Variants in CLHC1 observed in about 807,000 individuals in gnomAD.
CLHC1 encodes clathrin heavy chain linker domain-containing protein 1.
A neutral mutation model predicts 69.5 loss-of-function variants in CLHC1; 72 were observed. The observed-to-expected ratio is 1.04, with a 90% CI of 0.86 to 1.26. The LOEUF (loss-of-function observed/expected upper bound fraction) is 1.26, where lower values mean the gene tolerates loss of function less well. Among genes scored for constraint, CLHC1 ranks in the 50% most tolerant of loss-of-function variants. The pLI is 0.00. For synonymous variants in CLHC1, 223 were observed against 224.3 expected (o/e 0.99, Z 0.05); for missense variants, 790 against 679.3 (o/e 1.16, Z -1.81).
intron 8 of CLHC1, 83 bp downstream of exon 8, chr2:55,208,543 T>C (rs1017218946): frequency 3.6e-6 from 3 of 843,590 alleles, no homozygotes; most frequent in Admixed American, 2.0e-5. Context: ...AAAAATCTCC[T>C]AGATTCCCAA....
chr2:55,186,403 C>T lies in CLHC1; in HGVS notation c.1007-4659G>A, dbSNP rs139641374. ...AGCATGAGTTAGGATACCCAATAAT[C>T]TGGAGAATTTATATACTTCAGAACT... On this transcript the variant is annotated intron_variant, in intron 9 of 12. Coordinates refer to ENST00000401408, the MANE Select transcript of CLHC1 (RefSeq NM_152385.4). Among the ~76,000 whole-genome samples the T allele has an allele frequency of 3.7e-3, 568 of 152,268 alleles. 3 individuals are homozygous for T. Among genetic ancestry groups the T allele is most frequent in the Middle Eastern group, 0.031 (9 of 294 alleles).
intron 4 of CLHC1, among the ~76,000 whole-genome samples, chr2:55,216,941 A>G (rs1463102652): frequency 1.3e-5 from 2 of 152,180 alleles, no homozygotes; most frequent in African/African-American, 4.8e-5. Flanking sequence ...TGAGCTCACA[A>G]GTTGGAGACC....
At chr2:55,211,351 A>C (rs1432203035) in intron 5 of CLHC1, among the ~76,000 whole-genome samples, 2 of 151,974 alleles carry the variant, frequency 1.3e-5, no homozygotes, top group African/African-American at 4.8e-5. Flanking sequence ...AATACAAAAA[A>C]ATTAGCCGGG....
chr2:55,206,005 A>T (rs767239366), intron 9 of CLHC1, among the ~76,000 whole-genome samples: 1 of 152,230 alleles, frequency 6.6e-6, no homozygotes, highest in African/African-American at 2.4e-5. Flanking sequence ...CAAATTTGAC[A>T]AAGTATTAAC....
chr2:55,232,191 G>C (rs1675474036), intron 1 of CLHC1, 32 bp downstream of exon 1: 1 of 160,208 alleles, frequency 6.2e-6, no homozygotes, highest in Non-Finnish European at 1.4e-5. Flanking sequence ...CCGTTCCCAC[G>C]CTCCGGAAAC....
chr2:55,223,332 C>G (rs1299436460), intron 2 of CLHC1, among the ~76,000 whole-genome samples: 7 of 152,138 alleles, frequency 4.6e-5, no homozygotes, highest in African/African-American at 1.7e-4. Flanking sequence ...AAATCCATCC[C>G]TCAATGATGT....
chr2:55,215,454 T>A (rs1320753631), intron 4 of CLHC1, among the ~76,000 whole-genome samples: 1 of 152,222 alleles, frequency 6.6e-6, no homozygotes, highest in Non-Finnish European at 1.5e-5. Flanking sequence ...CATCCTTGTA[T>A]ATATAGTTCA....
At chr2:55,193,883 A>C (rs1287409821) in intron 9 of CLHC1, among the ~76,000 whole-genome samples, 1 of 152,212 alleles carries the variant, frequency 6.6e-6, no homozygotes, top group African/African-American at 2.4e-5. Flanking sequence ...ATGACCATCA[A>C]CTGATGAATG....
At chr2:55,199,893 T>C (rs1269129335) in intron 9 of CLHC1, among the ~76,000 whole-genome samples, 6 of 151,986 alleles carry the variant, frequency 3.9e-5, no homozygotes, top group Non-Finnish European at 7.4e-5. Context: ...TTACTTAATA[T>C]CAAGTGAATG....
intron 9 of CLHC1, among the ~76,000 whole-genome samples, chr2:55,196,725 G>A (rs1167418323): frequency 1.3e-5 from 2 of 152,198 alleles, no homozygotes; most frequent in African/African-American, 4.8e-5. Flanking sequence ...TCTTGGGTAA[G>A]ACTCTGAGAT....
At chr2:55,226,590 T>C (rs1382599746) in intron 2 of CLHC1, among the ~76,000 whole-genome samples, 1 of 152,210 alleles carries the variant, frequency 6.6e-6, no homozygotes, top group Non-Finnish European at 1.5e-5. Flanking sequence ...TATTTCATAG[T>C]ATGATGTTCC....
At chr2:55,195,206 C>T (rs892470014) in intron 9 of CLHC1, among the ~76,000 whole-genome samples, 4 of 152,128 alleles carry the variant, frequency 2.6e-5, no homozygotes, top group African/African-American at 9.7e-5. Flanking sequence ...CTACCCTGTC[C>T]TTAGTTACCA....
At chr2:55,182,386 G>A (rs1670016118) in intron 9 of CLHC1, among the ~76,000 whole-genome samples, 1 of 152,134 alleles carries the variant, frequency 6.6e-6, no homozygotes, top group Non-Finnish European at 1.5e-5. Context: ...AAAAAAGTAT[G>A]TCAATCCCAA....
intron 11 of CLHC1, among the ~76,000 whole-genome samples, chr2:55,178,369 A>G (rs560329786): frequency 5.9e-5 from 9 of 152,266 alleles, no homozygotes; most frequent in Non-Finnish European, 1.0e-4. Context: ...GTGGAACCAT[A>G]TGAAGTTTCC....
chr2:55,182,385 T>C (rs888050467), intron 9 of CLHC1, among the ~76,000 whole-genome samples: 21 of 152,206 alleles, frequency 1.4e-4, no homozygotes, highest in Non-Finnish European at 2.9e-4. Context: ...CAAAAAAGTA[T>C]GTCAATCCCA....
chr2:55,179,066 C>T (rs1041477105), intron 11 of CLHC1, among the ~76,000 whole-genome samples: 3 of 14,430 alleles, frequency 2.1e-4, no homozygotes, highest in African/African-American at 8.7e-4. Flanking sequence ...GTGGCTGGGA[C>T]TACAGACCCA....
In CLHC1 at chr2:55,209,640, A is replaced by AT. The variant is rs766798457; in HGVS notation, c.690dup (p.Leu231IlefsTer16). 4 of 1,613,942 alleles carry AT rather than the reference A, an allele frequency of 2.5e-6. No homozygotes were observed. Among genetic ancestry groups the AT allele is most frequent in the East Asian group, 2.2e-5 (1 of 44,856 alleles). ...AATCAACTTCCATACCAAAACTGCA[A>AT]TTTTTTGTTCAGATTTTCAGCTACA... On this transcript the variant is annotated frameshift_variant, in exon 6 of 13. Coordinates refer to ENST00000401408, the MANE Select transcript of CLHC1 (RefSeq NM_152385.4). LOFTEE classifies it high-confidence loss of function.
At chr2:55,178,291 C>T (rs1292676342) in intron 11 of CLHC1, among the ~76,000 whole-genome samples, 1 of 152,110 alleles carries the variant, frequency 6.6e-6, no homozygotes, top group Non-Finnish European at 1.5e-5. Context: ...TTTCCTAAAA[C>T]TATCAAGCAT....
intron 9 of CLHC1, among the ~76,000 whole-genome samples, chr2:55,194,585 G>A (rs1260213234): frequency 6.6e-6 from 1 of 151,030 alleles, no homozygotes; most frequent in Non-Finnish European, 1.5e-5. Flanking sequence ...ACCCAGATTT[G>A]AAAAAAAGTA....
Sources: gnomAD v4.1 joint callset for allele counts (sites outside exome capture counted in the v4.1 genomes callset) on GRCh38, gnomAD v4.1.1 for gene constraint, MANE v1.5 for transcripts, NCBI Gene and HGNC (gene_info 2026-07-23, HGNC 2026-07-21) for gene names.